The following RBFOX3 variants were observed in gnomAD, a reference collection of about 807,000 sequenced individuals.
RBFOX3 encodes the protein RNA binding protein fox-1 homolog 3.
In RBFOX3, 17 loss-of-function variants were observed where a neutral mutation model predicts 48.7. The ratio of observed to expected loss-of-function variants is 0.35; its 90% CI spans 0.24 to 0.52. RBFOX3 has a LOEUF of 0.52. Ranked by LOEUF, RBFOX3 falls within the 20% of genes least tolerant of loss-of-function variation. The pLI is 0.94. For synonymous variants in RBFOX3, 212 were observed against 209.5 expected (o/e 1.01, Z -0.10); for missense variants, 382 against 497.5 (o/e 0.77, Z 2.21).
At chr17:79,267,004 G>T (rs2066819898) in intron 3 of RBFOX3, among the ~76,000 whole-genome samples, 1 of 152,180 alleles carries the variant, frequency 6.6e-6, no homozygotes, top group African/African-American at 2.4e-5. Flanking sequence ...GCGGTCATGG[G>T]AACCCCAGAA....
At chr17:79,306,918 G>A (rs887425818) in intron 3 of RBFOX3, among the ~76,000 whole-genome samples, 4 of 152,226 alleles carry the variant, frequency 2.6e-5, no homozygotes, top group Non-Finnish European at 5.9e-5. Context: ...CTGGTCTGGG[G>A]CCCGACATCC....
rs539867304 is a variant in RBFOX3 at position 79,403,092 on chromosome 17, G to A, written c.-175+79362C>T. Among the ~76,000 whole-genome samples, 7 of 152,310 alleles carry A rather than the reference G, an allele frequency of 4.6e-5. No homozygotes were observed. The East Asian group carries it at 1.4e-3, about 29-fold the overall frequency. On this transcript the variant is annotated intron_variant, in intron 2 of 14. Transcript: ENST00000693108. Reference sequence around the variant, plus strand: ...GGAAGGGACACAGTGGCCTTGCTGGGAGAGGACTGCAGCCAGGGGGAAGGA... The same window carrying A: ...GGAAGGGACACAGTGGCCTTGCTGGAAGAGGACTGCAGCCAGGGGGAAGGA...
At chr17:79,546,280 C>T (rs1484852476) in intron 1 of RBFOX3, among the ~76,000 whole-genome samples, 1 of 152,166 alleles carries the variant, frequency 6.6e-6, no homozygotes, top group Non-Finnish European at 1.5e-5. Flanking sequence ...CAGCTTGACA[C>T]CCCAGAAAGG....
intron 1 of RBFOX3, among the ~76,000 whole-genome samples, chr17:79,540,730 G>A (rs576037934): frequency 6.6e-6 from 1 of 152,224 alleles, no homozygotes; most frequent in African/African-American, 2.4e-5. Flanking sequence ...TGGGTTGCTC[G>A]ACCTCCTGGA....
chr17:79,390,459 TAC>T lies in RBFOX3; in HGVS notation c.-174-82637_-174-82636del, dbSNP rs200234992. On this transcript the variant is annotated intron_variant, in intron 2 of 14. Coordinates refer to ENST00000693108, the MANE Select transcript of RBFOX3 (RefSeq NM_001350451.2). The surrounding 1 kb of genome is among the most constrained non-coding windows in gnomAD (Gnocchi z 4.2). ...ACTCAGAGTCCAACCGGCGTGGAAA[TAC>T]AGTCTTTGCGCCACTGCTTTTTTTT... is the stretch of plus-strand genomic sequence containing the variant. 4.6e-3 allele frequency among the ~76,000 whole-genome samples: 695 copies of T among 149,656 alleles called. 2 individuals carry two copies. The highest frequency in any genetic ancestry group is 0.016 in the African/African-American group (660 of 40,866).
the RBFOX3 span, among the ~76,000 whole-genome samples, chr17:79,623,995 T>G: frequency 6.6e-6 from 1 of 152,058 alleles, no homozygotes; most frequent in African/African-American, 2.4e-5. Flanking sequence ...CTCCAGAGAC[T>G]AGAAGAGGCC....
rs1363130404 is a variant in RBFOX3 at position 79,479,761 on chromosome 17, C to T, written c.-175+2693G>A. 6.6e-6 allele frequency among the ~76,000 whole-genome samples: 1 copy of T among 152,184 alleles called. No individual in the cohort carries two copies. Among genetic ancestry groups the T allele is most frequent in the Non-Finnish European group, 1.5e-5 (1 of 68,030 alleles). On this transcript the variant is annotated intron_variant, in intron 2 of 14. Transcript: ENST00000693108. This position sits in a 1 kb window ranked among gnomAD's most constrained non-coding sequence, Gnocchi z 5.1. The stretch of plus-strand genomic sequence containing the variant: ...AGACCCACAGAAAGGTGAGGCTGGG[C>T]CCCGCAACCTCCTTCTTGGAGGCAG...
chr17:79,658,101 C>A, the RBFOX3 span, among the ~76,000 whole-genome samples: 2 of 152,102 alleles, frequency 1.3e-5, no homozygotes, highest in Non-Finnish European at 2.9e-5. Flanking sequence ...TTACTTTACT[C>A]GTGGTTTTTT....
chr17:79,609,322 T>A (rs2093915197), intron 1 of RBFOX3, among the ~76,000 whole-genome samples: 1 of 151,976 alleles, frequency 6.6e-6, no homozygotes, highest in African/African-American at 2.4e-5. Context: ...CCCGGGTGCA[T>A]GCCCAAGGCG....
chr17:79,409,720 G>A (rs2064021238), intron 2 of RBFOX3, among the ~76,000 whole-genome samples: 2 of 152,168 alleles, frequency 1.3e-5, no homozygotes, highest in South Asian at 4.1e-4. Context: ...AGGCAGCTGG[G>A]GTCCCCGTAT....
At chr17:79,627,519 C>T in the RBFOX3 span, among the ~76,000 whole-genome samples, 1 of 152,200 alleles carries the variant, frequency 6.6e-6, no homozygotes, top group Admixed American at 6.5e-5. Context: ...GGCCTGACTC[C>T]AGGAGTGAGA....
At chr17:79,526,870 C>T (rs1221654935) in intron 1 of RBFOX3, among the ~76,000 whole-genome samples, 7 of 152,238 alleles carry the variant, frequency 4.6e-5, no homozygotes, top group Non-Finnish European at 1.0e-4. Flanking sequence ...GGAAAAAAAC[C>T]ATCGTGTGAC....
At chr17:79,381,191 C>T (rs907067809) in intron 2 of RBFOX3, among the ~76,000 whole-genome samples, 8 of 150,906 alleles carry the variant, frequency 5.3e-5, no homozygotes, top group African/African-American at 2.0e-4. Context: ...AGCTGGGAGG[C>T]GGAGGTTGCA....
intron 4 of RBFOX3, among the ~76,000 whole-genome samples, chr17:79,223,030 T>C (rs2059913203): frequency 6.6e-6 from 1 of 152,236 alleles, no homozygotes; most frequent in South Asian, 2.1e-4. Flanking sequence ...CCTGCCCATA[T>C]GGCCAGTGGC....
intron 4 of RBFOX3, among the ~76,000 whole-genome samples, chr17:79,157,195 C>T (rs570835731): frequency 1.4e-4 from 21 of 152,304 alleles, no homozygotes; most frequent in African/African-American, 4.3e-4. Context: ...TCTTACTCCC[C>T]GTCTCCCACC....
chr17:79,486,533 G>A (rs780486561), intron 1 of RBFOX3, among the ~76,000 whole-genome samples: 30 of 152,230 alleles, frequency 2.0e-4, no homozygotes, highest in Non-Finnish European at 3.7e-4. Context: ...ACACATATGC[G>A]TGCACATATG....
chr17:79,097,653 G>T, intron 10 of RBFOX3, 39 bp downstream of exon 10: 1 of 1,408,642 alleles, frequency 7.1e-7, no homozygotes, highest in Non-Finnish European at 9.8e-7. Flanking sequence ...GGGCCAAGTA[G>T]CTGGTCTCAT....
rs368240034 is a variant in RBFOX3, at chr17:79,423,453, G to A, written c.-175+59001C>T. ...CTCTCTACCTCCGTGCCCAGCCCCC[G>A]GCTATTCTCAGCACAGCAGCCAAAG... On this transcript the variant is annotated intron_variant, in intron 2 of 14. Coordinates refer to ENST00000693108, the MANE Select transcript of RBFOX3 (RefSeq NM_001350451.2). This position sits in a 1 kb window ranked among gnomAD's most constrained non-coding sequence, Gnocchi z 4.9. 1.2e-4 allele frequency among the ~76,000 whole-genome samples: 19 copies of A among 152,070 alleles called. 1 individual carries two copies. The East Asian group carries it at 1.7e-3, about 14-fold the overall frequency.
At chr17:79,222,558 C>A (rs2059863884) in intron 4 of RBFOX3, among the ~76,000 whole-genome samples, 1 of 152,224 alleles carries the variant, frequency 6.6e-6, no homozygotes, top group Non-Finnish European at 1.5e-5. Flanking sequence ...CTTGCCGAGG[C>A]CAGTGAGCAG....
Sources: allele counts gnomAD v4.1 joint callset (sites outside exome capture counted in the v4.1 genomes callset), GRCh38; gene constraint gnomAD v4.1.1; non-coding constraint Gnocchi (gnomAD v3.1); transcripts MANE v1.5; gene names NCBI Gene and HGNC (gene_info 2026-07-23, HGNC 2026-07-21).